PACRG: variants seen among roughly 807,000 people sequenced by gnomAD.
The protein encoded by PACRG is parkin coregulated gene protein.
Under a neutral mutation model 29.7 loss-of-function variants are expected in PACRG, and 29 were observed. That is an observed-to-expected ratio of 0.98 (90% CI 0.73 to 1.33). The LOEUF is 1.33. Among genes scored for constraint, PACRG ranks in the 40% most tolerant of loss-of-function variants. PACRG has a pLI of 0.00. For missense variants in PACRG, 279 were observed against 316.2 expected (o/e 0.88, Z 0.89); for synonymous variants, 116 against 118.7 (o/e 0.98, Z 0.15).
chr6:162,842,050 TG>T (rs1219763476), intron 2 of PACRG, among the ~76,000 whole-genome samples: 1 of 150,452 alleles, frequency 6.6e-6, no homozygotes, highest in Non-Finnish European at 1.5e-5. Flanking sequence ...TGTGGTGTGG[TG>T]CTGAAAAAAA....
chr6:163,271,062 A>T (rs2321509), intron 4 of PACRG, among the ~76,000 whole-genome samples: 1 of 151,850 alleles, frequency 6.6e-6, no homozygotes, highest in Non-Finnish European at 1.5e-5. Context: ...TAGGGAAGCC[A>T]ACAGTGCAGC....
chr6:163,262,189 C>G (rs754276244), intron 4 of PACRG, among the ~76,000 whole-genome samples: 2 of 152,192 alleles, frequency 1.3e-5, no homozygotes, highest in African/African-American at 2.4e-5. Flanking sequence ...TTCACACTGT[C>G]GTGTTACTCA....
At chr6:163,030,759 G>T (rs1807585600) in intron 2 of PACRG, among the ~76,000 whole-genome samples, 1 of 152,196 alleles carries the variant, frequency 6.6e-6, no homozygotes, top group Non-Finnish European at 1.5e-5. Context: ...ACCATATAGG[G>T]TAACTCCTGA....
intron 1 of PACRG, among the ~76,000 whole-genome samples, chr6:162,801,612 A>G (rs1223065762): frequency 6.6e-6 from 1 of 152,192 alleles, no homozygotes; most frequent in Non-Finnish European, 1.5e-5. Flanking sequence ...CTCTGCAAGT[A>G]CTTTAGACTA....
At chr6:163,061,596 G>T (rs1811100988) in intron 2 of PACRG, among the ~76,000 whole-genome samples, 1 of 152,118 alleles carries the variant, frequency 6.6e-6, no homozygotes, top group Admixed American at 6.5e-5. Flanking sequence ...TCTTCTTGAT[G>T]CCCTGAATGT....
At chr6:163,299,525 A>T (rs1376052225) in intron 4 of PACRG, among the ~76,000 whole-genome samples, 8 of 152,180 alleles carry the variant, frequency 5.3e-5, no homozygotes, top group Admixed American at 5.2e-4. Context: ...CCTCTGCCAG[A>T]CTACCTTGAC....
chr6:163,272,892 C>T lies in PACRG; in HGVS notation c.614-41935C>T, dbSNP rs201393042. On this transcript the variant is annotated intron_variant, in intron 4 of 4. Coordinates refer to ENST00000366888, the MANE Select transcript of PACRG (RefSeq NM_001080379.2). ...AAACATTTGGTAATGATGCATCATT[C>T]TTTTTTTTTTTTTTTTTGAGACGGA... 1.9e-3 allele frequency among the ~76,000 whole-genome samples: 207 copies of T among 109,338 alleles called. 1 individual carries two copies. Among genetic ancestry groups the T allele is most frequent in the Middle Eastern group, 5.1e-3 (1 of 198 alleles). 71.7% of individuals were successfully genotyped at this position (109,338 alleles called of 152,430 possible). A position where few individuals can be genotyped will look rare whatever the true frequency, so the allele number is the denominator to read the frequency against.
intron 2 of PACRG, among the ~76,000 whole-genome samples, chr6:162,816,819 C>T (rs946245510): frequency 1.3e-5 from 2 of 152,130 alleles, no homozygotes; most frequent in African/African-American, 2.4e-5. Flanking sequence ...GGAAGCAGGG[C>T]GATCCGTCCC....
intron 2 of PACRG, among the ~76,000 whole-genome samples, chr6:163,037,828 G>T (rs989851090): frequency 6.6e-6 from 1 of 152,186 alleles, no homozygotes; most frequent in Non-Finnish European, 1.5e-5. Context: ...TGTCTCTCCT[G>T]CCTCTGCTGC....
upstream of PACRG, chr6:162,727,759 T>G (rs1220518067): frequency 7.3e-7 from 1 of 1,366,318 alleles, no homozygotes; most frequent in Admixed American, 2.0e-5. Context: ...TCTCCTGGGT[T>G]AAATCCTCCA....
At chr6:163,100,445 C>T (rs889195956) in intron 4 of PACRG, among the ~76,000 whole-genome samples, 2 of 152,194 alleles carry the variant, frequency 1.3e-5, no homozygotes, top group Admixed American at 1.3e-4. Flanking sequence ...CTTCAGGCTG[C>T]TCGAGAGGGT....
chr6:163,303,494 C>G (rs1394487689), intron 4 of PACRG, among the ~76,000 whole-genome samples: 2 of 152,184 alleles, frequency 1.3e-5, no homozygotes, highest in South Asian at 2.1e-4. Flanking sequence ...TTTTCACCAC[C>G]AGTGTAGAGG....
chr6:163,102,901 G>T (rs571478838), intron 4 of PACRG, among the ~76,000 whole-genome samples: 6 of 152,190 alleles, frequency 3.9e-5, no homozygotes, highest in Non-Finnish European at 8.8e-5. Flanking sequence ...TTTAATGTAG[G>T]TATTGTTACT....
intron 2 of PACRG, among the ~76,000 whole-genome samples, chr6:163,010,255 A>G (rs899276195): frequency 6.6e-6 from 1 of 152,192 alleles, no homozygotes; most frequent in East Asian, 1.9e-4. Context: ...ATAAAGCAAA[A>G]CGCTAGATTC....
At chr6:162,803,438 G>T (rs1786048806) in intron 1 of PACRG, among the ~76,000 whole-genome samples, 1 of 152,066 alleles carries the variant, frequency 6.6e-6, no homozygotes, top group Admixed American at 6.6e-5. Context: ...GTAGATGAGA[G>T]ATATGATTTA....
chr6:162,974,002 T>C (rs1207824014), intron 2 of PACRG, among the ~76,000 whole-genome samples: 1 of 152,216 alleles, frequency 6.6e-6, no homozygotes, highest in Non-Finnish European at 1.5e-5. Context: ...CTAAATTTTC[T>C]CAGGTACCCT....
intron 2 of PACRG, among the ~76,000 whole-genome samples, chr6:163,059,408 C>CTAA (rs887964496): frequency 6.6e-6 from 1 of 152,084 alleles, no homozygotes. Flanking sequence ...CACTTAAAAT[C>CTAA]TAATGTCAGA....
chr6:162,996,294 T>A (rs1804041035), intron 2 of PACRG, among the ~76,000 whole-genome samples: 1 of 152,200 alleles, frequency 6.6e-6, no homozygotes, highest in African/African-American at 2.4e-5. Context: ...GTGTCAATGA[T>A]ATCTTAAAGC....
At chr6:163,274,179 G>C (rs186283629) in intron 4 of PACRG, among the ~76,000 whole-genome samples, 1,693 of 151,998 alleles carry the variant, frequency 0.011, 33 homozygotes, top group African/African-American at 0.039. Context: ...ATCCCTCCCC[G>C]CTCCCTCCAC....
Sources: gnomAD v4.1 joint callset for allele counts (sites outside exome capture counted in the v4.1 genomes callset) on GRCh38, gnomAD v4.1.1 for gene constraint, MANE v1.5 for transcripts, NCBI Gene and HGNC (gene_info 2026-07-23, HGNC 2026-07-21) for gene names.